RPH3A: variants seen among roughly 807,000 people sequenced by gnomAD.
RPH3A encodes the protein rabphilin 3A, also known as rabphilin-3A.
RPH3A carries 48 observed loss-of-function variants against 102.2 expected under a neutral mutation model. The ratio of observed to expected loss-of-function variants is 0.47; its 90% CI spans 0.37 to 0.60. RPH3A has a LOEUF of 0.60. Among genes scored for constraint, RPH3A ranks in the 20% least tolerant of loss-of-function variants. The pLI is 0.00. For synonymous variants in RPH3A, 310 were observed against 324.3 expected (o/e 0.96, Z 0.47); for missense variants, 781 against 910.1 (o/e 0.86, Z 1.83).
chr12:112,576,999 G>A (rs1470583394), intron 1 of RPH3A, among the ~76,000 whole-genome samples: 3 of 142,898 alleles, frequency 2.1e-5, no homozygotes, highest in Non-Finnish European at 4.5e-5. Flanking sequence ...TTGACCTCCC[G>A]GGCTCAAGCT....
At chr12:112,842,869 A>G (rs902816262) in intron 4 of RPH3A, among the ~76,000 whole-genome samples, 20 of 152,208 alleles carry the variant, frequency 1.3e-4, no homozygotes, top group African/African-American at 4.3e-4. Flanking sequence ...TGCCCTATTA[A>G]CATTCTCAAT....
At chr12:112,783,524 G>T (rs541441973) in intron 1 of RPH3A, among the ~76,000 whole-genome samples, 2 of 152,218 alleles carry the variant, frequency 1.3e-5, no homozygotes, top group South Asian at 4.1e-4. Context: ...AGTCATTTTG[G>T]TATCTCCAGC....
At chr12:112,630,755 C>T (rs538028758) in intron 1 of RPH3A, among the ~76,000 whole-genome samples, 3 of 152,150 alleles carry the variant, frequency 2.0e-5, no homozygotes, top group African/African-American at 2.4e-5. Flanking sequence ...AATACATAAT[C>T]GTTAATGGCT....
intron 1 of RPH3A, among the ~76,000 whole-genome samples, chr12:112,577,682 T>C (rs1011771826): frequency 5.9e-5 from 9 of 152,018 alleles, no homozygotes; most frequent in African/African-American, 2.2e-4. Flanking sequence ...CTGGTTCAAA[T>C]GCCTCTGACA....
chr12:112,604,791 C>T (rs1220823004), intron 1 of RPH3A, among the ~76,000 whole-genome samples: 1 of 152,150 alleles, frequency 6.6e-6, no homozygotes, highest in African/African-American at 2.4e-5. Flanking sequence ...CAGGATGGCA[C>T]ACTCACATGA....
chr12:112,789,332 A>C (rs563398159), upstream of RPH3A, among the ~76,000 whole-genome samples: 4 of 152,262 alleles, frequency 2.6e-5, no homozygotes, highest in East Asian at 7.7e-4. Context: ...GAGTTTCTCC[A>C]TCTGTAAATT....
chr12:112,896,356 A>C (rs2043179196), intron 21 of RPH3A, among the ~76,000 whole-genome samples: 1 of 152,212 alleles, frequency 6.6e-6, no homozygotes. Flanking sequence ...TCCCAGAAGT[A>C]GTGGGAGATA....
intron 1 of RPH3A, among the ~76,000 whole-genome samples, chr12:112,643,720 G>T (rs1410520776): frequency 1.3e-5 from 2 of 152,244 alleles, no homozygotes; most frequent in Admixed American, 6.5e-5. Context: ...AAACAGGTCA[G>T]GGAGTTGGGA....
chr12:112,687,012 G>A (rs1350130730), intron 1 of RPH3A, among the ~76,000 whole-genome samples: 1 of 152,152 alleles, frequency 6.6e-6, no homozygotes, highest in Non-Finnish European at 1.5e-5. Flanking sequence ...CTACTAGGGA[G>A]GCTGAAGTGG....
chr12:112,649,193 C>A (rs772747064), intron 1 of RPH3A, among the ~76,000 whole-genome samples: 11 of 152,244 alleles, frequency 7.2e-5, no homozygotes, highest in Non-Finnish European at 1.3e-4. Context: ...TGGTAGACTT[C>A]AGATAGTGCT....
At chr12:112,884,854 A>C (rs1234801035) in intron 16 of RPH3A, among the ~76,000 whole-genome samples, 1 of 152,112 alleles carries the variant, frequency 6.6e-6, no homozygotes, top group Non-Finnish European at 1.5e-5. Flanking sequence ...ACTGCAGAAG[A>C]CCCCCACTGT....
chr12:112,869,702 G>T (rs552941735), intron 8 of RPH3A, 57 bp from the exon 9 acceptor site: 1 of 1,567,664 alleles, frequency 6.4e-7, no homozygotes, highest in Non-Finnish European at 8.8e-7. Context: ...CTTAAGTACC[G>T]GTTTTCCAGA....
At chr12:112,718,563 C>T (rs1050467752) in intron 1 of RPH3A, among the ~76,000 whole-genome samples, 2 of 152,200 alleles carry the variant, frequency 1.3e-5, no homozygotes, top group African/African-American at 4.8e-5. Context: ...GATTCTGACC[C>T]TTCCATGGGG....
At chr12:112,664,756 C>T (rs1414797561) in intron 1 of RPH3A, among the ~76,000 whole-genome samples, 3 of 152,108 alleles carry the variant, frequency 2.0e-5, no homozygotes, top group Admixed American at 6.5e-5. Context: ...CCCCTCTGCG[C>T]AACCTGATTT....
chr12:112,599,084 A>G (rs970707563), intron 1 of RPH3A, among the ~76,000 whole-genome samples: 5 of 152,214 alleles, frequency 3.3e-5, no homozygotes, highest in African/African-American at 1.2e-4. Flanking sequence ...TGCTGTCAGC[A>G]TCTTGCCACA....
At chr12:112,832,707 G>A (rs1022474939) in intron 3 of RPH3A, among the ~76,000 whole-genome samples, 4 of 152,180 alleles carry the variant, frequency 2.6e-5, no homozygotes, top group Non-Finnish European at 5.9e-5. Context: ...GCTGGATGTT[G>A]TGGTGCATGC....
chr12:112,816,185 G>A (rs139494855), intron 2 of RPH3A, among the ~76,000 whole-genome samples: 13 of 152,286 alleles, frequency 8.5e-5, no homozygotes, highest in Non-Finnish European at 1.9e-4. Context: ...GTGACCTCCT[G>A]GCTGCACGTC....
At chr12:112,842,148 C>G (rs372344136) in intron 4 of RPH3A, among the ~76,000 whole-genome samples, 1 of 152,194 alleles carries the variant, frequency 6.6e-6, no homozygotes, top group African/African-American at 2.4e-5. Flanking sequence ...TCAAAACATT[C>G]TATTCATTCA....
At chr12:112,699,151 G>A (rs2040374039) in intron 1 of RPH3A, among the ~76,000 whole-genome samples, 1 of 152,120 alleles carries the variant, frequency 6.6e-6, no homozygotes, top group South Asian at 2.1e-4. Context: ...AAACTCCTAG[G>A]CTCCAGCAAT....
Sources: gnomAD v4.1 joint callset for allele counts (sites outside exome capture counted in the v4.1 genomes callset) on GRCh38, gnomAD v4.1.1 for gene constraint, MANE v1.5 for transcripts, NCBI Gene and HGNC (gene_info 2026-07-23, HGNC 2026-07-21) for gene names.